ANO2: variants seen among roughly 807,000 people sequenced by gnomAD.
ANO2 encodes the protein anoctamin-2.
A neutral mutation model predicts 124.2 loss-of-function variants in ANO2; 101 were observed. That is an observed-to-expected ratio of 0.81 (90% CI 0.69 to 0.96). ANO2 has a LOEUF of 0.96. Ranked by LOEUF, ANO2 falls within the 40% of genes least tolerant of loss-of-function variation. The pLI, the probability that ANO2 is intolerant of heterozygous loss-of-function variation, is 0.00. For missense variants in ANO2, 1,293 were observed against 1,274.5 expected (o/e 1.01, Z -0.22); for synonymous variants, 486 against 482.5 (o/e 1.01, Z -0.09).
chr12:5,895,807 A>G (rs1290414860), intron 3 of ANO2, among the ~76,000 whole-genome samples: 1 of 151,994 alleles, frequency 6.6e-6, no homozygotes, highest in African/African-American at 2.4e-5. Context: ...AAAAAAAAAA[A>G]GTCATTATAT....
chr12:5,701,143 G>T (rs544032578), intron 14 of ANO2, among the ~76,000 whole-genome samples: 1 of 138,582 alleles, frequency 7.2e-6, no homozygotes, highest in Non-Finnish European at 1.5e-5. Flanking sequence ...GCCCGGGCAG[G>T]GTGACCAGGA....
At chr12:5,721,001 C>T (rs963970562) in intron 14 of ANO2, among the ~76,000 whole-genome samples, 4 of 152,158 alleles carry the variant, frequency 2.6e-5, no homozygotes, top group South Asian at 2.1e-4. Flanking sequence ...TCACAGGCTC[C>T]GTGCAGGGAG....
intron 14 of ANO2, among the ~76,000 whole-genome samples, chr12:5,714,552 T>A (rs555634559): frequency 3.3e-5 from 5 of 152,316 alleles, no homozygotes; most frequent in African/African-American, 1.2e-4. Context: ...CACAACTGGG[T>A]TTCAATATGG....
chr12:5,756,053 T>C (rs769416232), intron 10 of ANO2, among the ~76,000 whole-genome samples: 4 of 152,086 alleles, frequency 2.6e-5, no homozygotes, highest in African/African-American at 4.8e-5. Flanking sequence ...TCAACCTTTC[T>C]GTTTTTTCTG....
intron 14 of ANO2, among the ~76,000 whole-genome samples, chr12:5,687,487 T>C (rs1317917257): frequency 6.6e-6 from 1 of 152,210 alleles, no homozygotes; most frequent in Non-Finnish European, 1.5e-5. Flanking sequence ...TAAGAAACTC[T>C]ATGGATAGAG....
intron 23 of ANO2, among the ~76,000 whole-genome samples, chr12:5,567,948 T>C (rs754238282): frequency 6.6e-6 from 1 of 152,222 alleles, no homozygotes; most frequent in Non-Finnish European, 1.5e-5. Flanking sequence ...TTAATATTCA[T>C]CTGTTCACAT....
At chr12:5,585,056 A>C (rs1943037768) in intron 20 of ANO2, among the ~76,000 whole-genome samples, 1 of 152,052 alleles carries the variant, frequency 6.6e-6, no homozygotes. Context: ...GGTGAGAACA[A>C]AATGCCAGCA....
intron 7 of ANO2, among the ~76,000 whole-genome samples, chr12:5,812,814 G>A (rs1033989475): frequency 2.1e-5 from 3 of 142,028 alleles, no homozygotes; most frequent in Non-Finnish European, 3.0e-5. Flanking sequence ...AAAAAAGGAA[G>A]GAAGGAAGGG....
chr12:5,925,649 A>G lies in ANO2; in HGVS notation c.23-2845T>C, dbSNP rs1335556489. ...AGAAGAGGTGAATGAGGTCAATTAG[A>G]AGGAAAGGCCATCGTACACAGCCCG... On this transcript the variant is annotated intron_variant, in intron 1 of 24. Transcript: ENST00000682330. The surrounding 1 kb of genome is among the most constrained non-coding windows in gnomAD (Gnocchi z 4.6). 1.3e-5 allele frequency among the ~76,000 whole-genome samples: 2 copies of G among 152,222 alleles called. No homozygotes were observed. Among genetic ancestry groups the G allele is most frequent in the African/African-American group, 4.8e-5 (2 of 41,460 alleles).
chr12:5,933,369 C>T lies in ANO2; in HGVS notation c.23-10565G>A, dbSNP rs183749728. 1.2e-4 allele frequency among the ~76,000 whole-genome samples: 19 copies of T among 152,232 alleles called. No homozygotes were observed. The South Asian group carries it at 3.5e-3, about 28-fold the overall frequency. On this transcript the variant is annotated intron_variant, in intron 1 of 24. Coordinates refer to ENST00000682330, the MANE Select transcript of ANO2 (RefSeq NM_001364791.2). ...ACCACCCCAAATTCCACTCTGTTAA[C>T]GAGGTTCACAATTTATTATAATGTT...
chr12:5,660,874 A>G (rs911895955), intron 14 of ANO2, among the ~76,000 whole-genome samples: 2 of 152,184 alleles, frequency 1.3e-5, no homozygotes, highest in Non-Finnish European at 2.9e-5. Context: ...CTAGTTTTGC[A>G]TAGGAAGAAC....
At chr12:5,714,528 G>C (rs1285261860) in intron 14 of ANO2, among the ~76,000 whole-genome samples, 1 of 152,174 alleles carries the variant, frequency 6.6e-6, no homozygotes, top group Admixed American at 6.5e-5. Context: ...ATGGGATAAA[G>C]GCTAAAAAAT....
intron 10 of ANO2, among the ~76,000 whole-genome samples, chr12:5,767,493 G>A (rs182612803): frequency 6.9e-4 from 105 of 152,314 alleles, no homozygotes; most frequent in African/African-American, 2.4e-3. Flanking sequence ...GAGTATTGGA[G>A]AGAAAGAAAG....
At chr12:5,701,126 C>T (rs1949389510) in intron 14 of ANO2, among the ~76,000 whole-genome samples, 1 of 126,838 alleles carries the variant, frequency 7.9e-6, no homozygotes, top group South Asian at 2.6e-4. Context: ...CGAAGTCTCA[C>T]TCTGTCGCCC....
chr12:5,906,794 A>AAAATAAATAAATAAATAAAT (rs551277367), intron 3 of ANO2, among the ~76,000 whole-genome samples: 8 of 151,336 alleles, frequency 5.3e-5, no homozygotes, highest in African/African-American at 1.9e-4. Flanking sequence ...ACTCTGTCTC[A>AAAATAAATAAATAAATAAAT]AAATAAATAA....
At position 5,730,591 on chromosome 12, in the gene ANO2, G is replaced by T. The variant is rs193086278; in HGVS notation, c.1545+1929C>A. Among the ~76,000 whole-genome samples the T allele has an allele frequency of 2.0e-5, 3 of 152,274 alleles. No homozygotes were observed. In the East Asian group the frequency reaches 5.8e-4, roughly 29 times the overall value. ...GTCCCTGTCTATTCCTCAGAAGCAG[G>T]TGCCTTTCCTAAACATTCCACATGC... On this transcript the variant is annotated intron_variant, in intron 14 of 24. Transcript: ENST00000682330.
At chr12:5,914,147 C>CTGAAAT (rs1941232238) in intron 3 of ANO2, among the ~76,000 whole-genome samples, 1 of 151,910 alleles carries the variant, frequency 6.6e-6, no homozygotes, top group Non-Finnish European at 1.5e-5. Context: ...TTGCAGTGAG[C>CTGAAAT]CAAGATTGCG....
At chr12:5,667,703 C>T (rs191669425) in intron 14 of ANO2, among the ~76,000 whole-genome samples, 141 of 152,278 alleles carry the variant, frequency 9.3e-4, no homozygotes, top group African/African-American at 3.2e-3. Context: ...CTCCCTACCC[C>T]CTTCCATCTC....
At chr12:5,895,298 T>A (rs888693755) in intron 3 of ANO2, among the ~76,000 whole-genome samples, 1 of 152,234 alleles carries the variant, frequency 6.6e-6, no homozygotes. Context: ...GTTTGTCTAT[T>A]ATTGGTGTAT....
Sources: allele counts gnomAD v4.1 joint callset (sites outside exome capture counted in the v4.1 genomes callset), GRCh38; gene constraint gnomAD v4.1.1; non-coding constraint Gnocchi (gnomAD v3.1); transcripts MANE v1.5; gene names NCBI Gene and HGNC (gene_info 2026-07-23, HGNC 2026-07-21).